LRRD1: variants seen among roughly 807,000 people sequenced by gnomAD.
LRRD1 encodes the protein leucine-rich repeat and death domain-containing protein 1.
A neutral mutation model predicts 69.5 loss-of-function variants in LRRD1; 49 were observed. The observed-to-expected ratio is 0.70, with a 90% confidence interval of 0.56 to 0.89. The LOEUF is 0.89. Among genes scored for constraint, LRRD1 ranks in the 40% least tolerant of loss-of-function variants. LRRD1 has a pLI of 0.00. For missense variants in LRRD1, 853 were observed against 956.0 expected (o/e 0.89, Z 1.42); for synonymous variants, 303 against 338.9 (o/e 0.89, Z 1.16).
chr7:92,150,661 G>T lies in LRRD1; in HGVS notation c.2151C>A (p.Tyr717Ter), dbSNP rs549289417. ...TTATCTCCTTCAGTGAAAAAATATT[G>T]TAGATAGCACTAGGTAGAGCTGTCA... ...NNLTALPSAI[Y>*]NIFSLKEINF... is the part of the protein sequence containing the mutation. The change falls in exon 4 of 6, where the codon TAC becomes TAA. Residue 717 changes from tyrosine to a stop codon, truncating the protein, a stop_gained. Transcript: ENST00000458448. LOFTEE classifies it high-confidence loss of function. The T allele has an allele frequency of 2.5e-4, 385 of 1,548,222 alleles. 1 individual carries two copies. The highest frequency in any genetic ancestry group is 3.2e-4 in the Non-Finnish European group (361 of 1,143,910).
At chr7:92,142,108 A>AT (rs991227513), downstream of LRRD1, 8 of 177,002 alleles carry the variant, frequency 4.5e-5, no homozygotes, top group African/African-American at 1.7e-4. Flanking sequence ...ATGCCCAGCT[A>AT]TTTTTTTGTA....
intron 1 of LRRD1, among the ~76,000 whole-genome samples, chr7:92,177,664 G>C (rs993728091): frequency 3.3e-5 from 5 of 152,186 alleles, no homozygotes; most frequent in Admixed American, 2.0e-4. Flanking sequence ...CTGTATACTT[G>C]TGTGGGGAGG....
At chr7:92,149,687 A>C (rs1780201512) in intron 4 of LRRD1, among the ~76,000 whole-genome samples, 1 of 151,980 alleles carries the variant, frequency 6.6e-6, no homozygotes, top group African/African-American at 2.4e-5. Context: ...TTTTCCCTCA[A>C]GGCCGAATGT....
At chr7:92,157,914 T>C (rs1049216363) in intron 3 of LRRD1, among the ~76,000 whole-genome samples, 1 of 152,038 alleles carries the variant, frequency 6.6e-6, no homozygotes, top group Non-Finnish European at 1.5e-5. Context: ...CTTGAAAGAA[T>C]TCACCAGTGA....
chr7:92,159,795 T>C (rs1788759137), intron 2 of LRRD1, among the ~76,000 whole-genome samples: 1 of 151,958 alleles, frequency 6.6e-6, no homozygotes, highest in South Asian at 2.1e-4. Context: ...CTAATTTTTG[T>C]ATTTTTAGTA....
chr7:92,165,290 G>T lies in LRRD1; in HGVS notation c.-74-14C>A. The T allele has an allele frequency of 2.8e-6, 2 of 710,884 alleles. No individual in the cohort carries two copies. Among genetic ancestry groups the T allele is most frequent in the Non-Finnish European group, 4.1e-6 (2 of 483,690 alleles). The allele number at this position is 710,884 out of a possible 1,614,324, so 44.0% of individuals were successfully genotyped here. A position where few individuals can be genotyped will look rare whatever the true frequency, so the allele number is the denominator to read the frequency against. ...TTTCCTTTGAATCTACAAAACAAAT[G>T]TTGAAATTAAAAGATGTAAGAGATG... On this transcript the variant is annotated splice_polypyrimidine_tract_variant and intron_variant, in intron 1 of 5. Coordinates refer to ENST00000458448, the MANE Select transcript of LRRD1 (RefSeq NM_001161528.2).
chr7:92,152,998 A>G (rs1330245255), intron 3 of LRRD1, among the ~76,000 whole-genome samples: 1 of 151,516 alleles, frequency 6.6e-6, no homozygotes, highest in South Asian at 2.1e-4. Context: ...GCAATATTTC[A>G]TTGTATAGTT....
At chr7:92,176,770 T>C (rs1429699503) in intron 1 of LRRD1, among the ~76,000 whole-genome samples, 1 of 151,812 alleles carries the variant, frequency 6.6e-6, no homozygotes, top group East Asian at 1.9e-4. Context: ...TGCATGTTAG[T>C]CAGGCTGGTC....
At chr7:92,161,163 G>T (rs1255675863) in intron 2 of LRRD1, among the ~76,000 whole-genome samples, 1 of 152,204 alleles carries the variant, frequency 6.6e-6, no homozygotes, top group Non-Finnish European at 1.5e-5. Context: ...TTCCTTTTGG[G>T]CATCCTTCCT....
intron 4 of LRRD1, among the ~76,000 whole-genome samples, chr7:92,147,953 G>A (rs537586051): frequency 3.9e-5 from 6 of 152,190 alleles, no homozygotes; most frequent in African/African-American, 1.2e-4. Flanking sequence ...GTCTGGCTCT[G>A]TCACCCAGGC....
intron 3 of LRRD1, among the ~76,000 whole-genome samples, chr7:92,157,289 C>T (rs1018545447): frequency 7.2e-5 from 11 of 152,002 alleles, no homozygotes; most frequent in Non-Finnish European, 8.8e-5. Context: ...TGAATATTGA[C>T]TCAACCTTGC....
intron 3 of LRRD1, among the ~76,000 whole-genome samples, chr7:92,154,995 T>A (rs939029828): frequency 6.6e-6 from 1 of 152,204 alleles, no homozygotes; most frequent in Non-Finnish European, 1.5e-5. Context: ...TAGTTTGAGG[T>A]GCAACAGCAA....
Position 92,159,048 on chromosome 7 carries a change from T to A in LRRD1, c.2073A>T (p.Pro691=), listed in dbSNP as rs1004763190. The change falls in exon 3 of 6, where the codon CCA becomes CCT. Residue 691 remains proline, a synonymous_variant. Coordinates refer to ENST00000458448, the MANE Select transcript of LRRD1 (RefSeq NM_001161528.2). ...GCAGATCATTTAAAGATAGCAAAGATGGTGGAAGATAACTTATTTGATTAT... is the reference window on the plus strand; with the variant it reads ...GCAGATCATTTAAAGATAGCAAAGAAGGTGGAAGATAACTTATTTGATTAT... ...AYNNQISYLP[P]SLLSLNDLQQ... is the part of the protein sequence containing the mutation. 6.5e-7 allele frequency: 1 copy of A among 1,546,544 alleles called. No homozygotes were observed. The highest frequency in any genetic ancestry group is 1.4e-5 in the African/African-American group (1 of 72,768).
intron 1 of LRRD1, among the ~76,000 whole-genome samples, chr7:92,175,106 A>ATG (rs1789163543): frequency 6.6e-6 from 1 of 151,876 alleles, no homozygotes; most frequent in Non-Finnish European, 1.5e-5. Flanking sequence ...AAAACCCATA[A>ATG]TGTGTGTCCA....
At chr7:92,161,111 G>A (rs1213856986) in intron 2 of LRRD1, among the ~76,000 whole-genome samples, 1 of 152,228 alleles carries the variant, frequency 6.6e-6, no homozygotes, top group African/African-American at 2.4e-5. Flanking sequence ...TAGAGGTGGT[G>A]TCTGAGAGCT....
At chr7:92,143,515 C>T (rs947946760), downstream of LRRD1, among the ~76,000 whole-genome samples, 3 of 152,148 alleles carry the variant, frequency 2.0e-5, no homozygotes, top group African/African-American at 4.8e-5. Context: ...CCCTGCCCCG[C>T]GGGAAGGCAG....
chr7:92,162,100 T>C (rs1788805035), intron 2 of LRRD1, among the ~76,000 whole-genome samples: 1 of 152,242 alleles, frequency 6.6e-6, no homozygotes, highest in African/African-American at 2.4e-5. Context: ...TGTCTGTTAG[T>C]GCAAAATCAA....
At position 92,170,763 on chromosome 7, in the gene LRRD1, TTGGG is replaced by T. The variant is rs1418837814; in HGVS notation, c.-74-5491_-74-5488del. Among the ~76,000 whole-genome samples, 4 of 152,314 alleles carry T rather than the reference TTGGG, an allele frequency of 2.6e-5. No homozygotes were observed. The East Asian group carries it at 7.7e-4, about 29-fold the overall frequency. On this transcript the variant is annotated intron_variant, in intron 1 of 5. Coordinates refer to ENST00000458448, the MANE Select transcript of LRRD1 (RefSeq NM_001161528.2). Reference sequence around the variant, plus strand: ...CAATACACATTCTTTTCATTAGCACTTGGGACATCCCACAGAATAGACAATATCT... The same window carrying T: ...CAATACACATTCTTTTCATTAGCACTACATCCCACAGAATAGACAATATCT...
At chr7:92,146,681 G>T (rs1584648691) in intron 4 of LRRD1, among the ~76,000 whole-genome samples, 3 of 150,990 alleles carry the variant, frequency 2.0e-5, no homozygotes, top group African/African-American at 4.9e-5. Flanking sequence ...AGCACTTTGG[G>T]AGGCCAAGGC....
Sources: allele counts gnomAD v4.1 joint callset (sites outside exome capture counted in the v4.1 genomes callset), GRCh38; gene constraint gnomAD v4.1.1; transcripts MANE v1.5; gene names NCBI Gene and HGNC (gene_info 2026-07-23, HGNC 2026-07-21).